The following SEC61B variants were observed in gnomAD, a reference collection of about 807,000 sequenced individuals.
SEC61B encodes the protein protein transport protein Sec61 subunit beta.
SEC61B carries 7 observed loss-of-function variants against 12.6 expected under a neutral mutation model. That is an observed-to-expected ratio of 0.55 (90% CI 0.32 to 1.04). The LOEUF (loss-of-function observed/expected upper bound fraction) is 1.04. SEC61B is among the 50% of genes least tolerant of loss of function. The probability of loss-of-function intolerance (pLI) is 0.05; values close to 1 mark genes in which losing one functional copy is unlikely to be tolerated. For missense variants in SEC61B, 107 were observed against 130.1 expected (o/e 0.82, Z 0.86); for synonymous variants, 54 against 50.1 (o/e 1.08, Z -0.33).
chr9:99,230,227 T>C (rs559542698), intron 3 of SEC61B, 110 bp from the exon 4 acceptor site: 8 of 610,508 alleles, frequency 1.3e-5, no homozygotes, highest in East Asian at 8.7e-5. Flanking sequence ...TGGATGAACC[T>C]TGAGTGCTGC....
At chr9:99,230,136 T>G (rs1828942308) in intron 3 of SEC61B, among the ~76,000 whole-genome samples, 2 of 152,358 alleles carry the variant, frequency 1.3e-5, no homozygotes, top group East Asian at 3.8e-4. Context: ...TTAAACACAA[T>G]TGCAGTGCCA....
intron 2 of SEC61B, among the ~76,000 whole-genome samples, chr9:99,227,265 CAAAAAAAAAAAAAAA>C (rs59719935): frequency 1.9e-4 from 2 of 10,738 alleles, no homozygotes; most frequent in African/African-American, 6.5e-4. Context: ...AACTCCATCT[CAAAAAAAAAAAAAAA>C]AAAAAAAAAA....
At position 99,230,293 on chromosome 9, in the gene SEC61B, A is replaced by G. The variant is rs936065953; in HGVS notation, c.204-44A>G. 4 of 1,264,100 alleles carry G rather than the reference A, an allele frequency of 3.2e-6. No homozygotes were observed. In the African/African-American group the frequency reaches 4.5e-5, roughly 14 times the overall value. 78.3% of individuals were successfully genotyped at this position (1,264,100 alleles called of 1,614,324 possible). A position where few individuals can be genotyped will look rare whatever the true frequency, so the allele number is the denominator to read the frequency against. On this transcript the variant is annotated intron_variant, in intron 3 of 3. Coordinates refer to ENST00000223641, the MANE Select transcript of SEC61B (RefSeq NM_006808.3). ...TCTTTAGTATTGCAGATCTAATAGT[A>G]TATTATTACTAAAAGTAAGCATGCT...
intron 3 of SEC61B, among the ~76,000 whole-genome samples, chr9:99,228,791 A>C (rs1828928606): frequency 6.6e-6 from 1 of 152,248 alleles, no homozygotes; most frequent in African/African-American, 2.4e-5. Flanking sequence ...TCTGCCCAGC[A>C]ATCCAGTGAG....
At chr9:99,223,043 A>C in intron 2 of SEC61B, 1 of 164,764 alleles carries the variant, frequency 6.1e-6, no homozygotes, top group Non-Finnish European at 1.3e-5. Context: ...TCTCAATTAT[A>C]TCTCCTTACT....
At chr9:99,227,544 G>C (rs762333960) in intron 2 of SEC61B, among the ~76,000 whole-genome samples, 165 of 152,324 alleles carry the variant, frequency 1.1e-3, no homozygotes, top group Non-Finnish European at 1.6e-3. Flanking sequence ...ACATGACACA[G>C]CTGGATGTTT....
chr9:99,222,808 A>AT (rs1379306941), intron 2 of SEC61B, 165 bp downstream of exon 2: 6 of 560,332 alleles, frequency 1.1e-5, no homozygotes, highest in East Asian at 3.1e-5. Context: ...GGAAGGCGAC[A>AT]TTTTTTTTCT....
At chr9:99,224,119 G>A (rs1828870362) in intron 2 of SEC61B, among the ~76,000 whole-genome samples, 1 of 152,198 alleles carries the variant, frequency 6.6e-6, no homozygotes, top group Non-Finnish European at 1.5e-5. Context: ...ACACATGCAT[G>A]GAAACTTCTG....
intron 2 of SEC61B, among the ~76,000 whole-genome samples, chr9:99,224,039 A>G (rs1828869227): frequency 6.6e-6 from 1 of 152,212 alleles, no homozygotes; most frequent in African/African-American, 2.4e-5. Flanking sequence ...GGAAGGAATC[A>G]AGCAACCAAG....
At chr9:99,229,054 T>C (rs1564230195) in intron 3 of SEC61B, among the ~76,000 whole-genome samples, 1 of 152,124 alleles carries the variant, frequency 6.6e-6, no homozygotes, top group Non-Finnish European at 1.5e-5. Flanking sequence ...GTAAAGTTTT[T>C]ATTAATTTTA....
chr9:99,227,553 T>G (rs1057163738), intron 2 of SEC61B, among the ~76,000 whole-genome samples: 2 of 152,132 alleles, frequency 1.3e-5, no homozygotes, highest in Admixed American at 6.5e-5. Context: ...AGCTGGATGT[T>G]TTGGGCATGC....
chr9:99,227,792 G>GTT (rs111986989), intron 2 of SEC61B, 107 bp from the exon 3 acceptor site: 1,022 of 648,612 alleles, frequency 1.6e-3, no homozygotes, highest in South Asian at 2.2e-3. Flanking sequence ...AGCAAAGAAA[G>GTT]TTTTTTTTTT....
At chr9:99,225,453 G>T (rs1027261110) in intron 2 of SEC61B, among the ~76,000 whole-genome samples, 7 of 152,120 alleles carry the variant, frequency 4.6e-5, no homozygotes, top group African/African-American at 1.7e-4. Context: ...CAAAAGGAGT[G>T]GGTAAGTATG....
At chr9:99,225,048 A>G (rs1008801343) in intron 2 of SEC61B, among the ~76,000 whole-genome samples, 1 of 152,240 alleles carries the variant, frequency 6.6e-6, no homozygotes, top group African/African-American at 2.4e-5. Flanking sequence ...GAAGTGCCAC[A>G]TAGTGTTCTA....
intron 2 of SEC61B, among the ~76,000 whole-genome samples, chr9:99,225,651 A>G (rs1564227655): frequency 6.6e-6 from 1 of 152,232 alleles, no homozygotes; most frequent in African/African-American, 2.4e-5. Flanking sequence ...AATGTGTTTT[A>G]TTAACCTTTA....
intron 3 of SEC61B, among the ~76,000 whole-genome samples, chr9:99,229,854 G>C (rs910478709): frequency 2.6e-5 from 4 of 152,130 alleles, no homozygotes; most frequent in African/African-American, 9.7e-5. Context: ...TATACTGTTA[G>C]TTGTTTTACA....
intron 2 of SEC61B, 177 bp downstream of exon 2, chr9:99,222,820 G>C (rs1828846466): frequency 5.4e-6 from 3 of 559,896 alleles, no homozygotes; most frequent in Admixed American, 3.5e-5. Context: ...TTTTTTTCTC[G>C]TTGCTCAGTT....
intron 2 of SEC61B, among the ~76,000 whole-genome samples, chr9:99,223,431 TC>T (rs1391882694): frequency 6.6e-6 from 1 of 151,318 alleles, no homozygotes; most frequent in Non-Finnish European, 1.5e-5. Flanking sequence ...TCTCACTCTG[TC>T]GCCCAGGCTG....
intron 2 of SEC61B, among the ~76,000 whole-genome samples, chr9:99,225,093 C>T (rs1174902082): frequency 1.3e-5 from 2 of 152,140 alleles, no homozygotes; most frequent in African/African-American, 2.4e-5. Context: ...ATTAAGATGG[C>T]GGAATAGCCA....
Sources: gnomAD v4.1 joint callset for allele counts (sites outside exome capture counted in the v4.1 genomes callset) on GRCh38, gnomAD v4.1.1 for gene constraint, MANE v1.5 for transcripts, NCBI Gene and HGNC (gene_info 2026-07-23, HGNC 2026-07-21) for gene names.